Variants in TBC1D4 observed in about 807,000 individuals in gnomAD.
TBC1D4 encodes the protein TBC (Tre-2, BUB2, CDC16) domain-containing protein.
A neutral mutation model predicts 142.5 loss-of-function variants in TBC1D4; 121 were observed. That is an observed-to-expected ratio of 0.85 (90% CI 0.73 to 0.99). The LOEUF (loss-of-function observed/expected upper bound fraction) is 0.99, where lower values mean the gene tolerates loss of function less well. Among genes scored for constraint, TBC1D4 ranks in the 50% least tolerant of loss-of-function variants. TBC1D4 has a pLI of 0.00. For missense variants in TBC1D4, 1,475 were observed against 1,606.6 expected (o/e 0.92, Z 1.40); for synonymous variants, 630 against 628.2 (o/e 1.00, Z -0.04).
intron 5 of TBC1D4, among the ~76,000 whole-genome samples, chr13:75,343,666 G>A (rs561599432): frequency 2.0e-5 from 3 of 152,010 alleles, no homozygotes; most frequent in Admixed American, 6.6e-5. Context: ...ACAGGCATGC[G>A]CCACCACACC....
chr13:75,331,523 T>C (rs754420764), intron 8 of TBC1D4, among the ~76,000 whole-genome samples: 4 of 151,984 alleles, frequency 2.6e-5, no homozygotes, highest in Non-Finnish European at 5.9e-5. Flanking sequence ...AAAATTTATA[T>C]TAGTAAATAT....
intron 1 of TBC1D4, among the ~76,000 whole-genome samples, chr13:75,372,622 A>C (rs1042541746): frequency 2.6e-5 from 4 of 152,160 alleles, no homozygotes; most frequent in African/African-American, 9.7e-5. Context: ...ACTTGCTCCA[A>C]GAAACACTAG....
At chr13:75,399,566 C>T (rs1468096184) in intron 1 of TBC1D4, among the ~76,000 whole-genome samples, 3 of 152,196 alleles carry the variant, frequency 2.0e-5, no homozygotes, top group Non-Finnish European at 4.4e-5. Flanking sequence ...TTAATGAATG[C>T]AATTCTGGTA....
intron 1 of TBC1D4, among the ~76,000 whole-genome samples, chr13:75,425,020 T>G (rs1368924216): frequency 6.6e-6 from 1 of 152,102 alleles, no homozygotes; most frequent in Non-Finnish European, 1.5e-5. Context: ...ATTAAAAAGC[T>G]TCTGCACAGC....
At chr13:75,383,962 C>T (rs1490888037) in intron 1 of TBC1D4, among the ~76,000 whole-genome samples, 1 of 152,056 alleles carries the variant, frequency 6.6e-6, no homozygotes, top group Non-Finnish European at 1.5e-5. Context: ...AGCTCTTAAA[C>T]CATTTCAAAA....
At chr13:75,361,382 A>AT (rs1278381284) in intron 2 of TBC1D4, among the ~76,000 whole-genome samples, 2 of 151,816 alleles carry the variant, frequency 1.3e-5, no homozygotes, top group African/African-American at 4.8e-5. Context: ...ACTTTCTACA[A>AT]TTTTTTTGTT....
At chr13:75,427,693 T>C (rs1231195329) in intron 1 of TBC1D4, among the ~76,000 whole-genome samples, 1 of 152,230 alleles carries the variant, frequency 6.6e-6, no homozygotes, top group African/African-American at 2.4e-5. Flanking sequence ...TTCATAATCA[T>C]TGATCTCTTT....
chr13:75,399,536 T>TGAG (rs1884973876), intron 1 of TBC1D4, among the ~76,000 whole-genome samples: 11 of 147,170 alleles, frequency 7.5e-5, no homozygotes, highest in South Asian at 2.1e-4. Flanking sequence ...CAACCCACCT[T>TGAG]ATCTACACCC....
At chr13:75,469,732 A>C (rs1888319710) in intron 1 of TBC1D4, among the ~76,000 whole-genome samples, 1 of 152,158 alleles carries the variant, frequency 6.6e-6, no homozygotes, top group Non-Finnish European at 1.5e-5. Context: ...CTACGACTGC[A>C]CCACTGTACT....
chr13:75,475,870 T>C (rs557540011), intron 1 of TBC1D4, among the ~76,000 whole-genome samples: 24 of 152,360 alleles, frequency 1.6e-4, no homozygotes, highest in Non-Finnish European at 2.5e-4. Context: ...ATTTTGAATT[T>C]TTTTTTCAGA....
intron 8 of TBC1D4, among the ~76,000 whole-genome samples, chr13:75,333,026 A>G (rs4883995): frequency 0.8 from 121,191 of 152,174 alleles, 49,674 homozygotes; most frequent in South Asian, 0.95. Context: ...AAAACAATAC[A>G]CATTTGCAAA....
chr13:75,332,138 C>T (rs1879801462), intron 8 of TBC1D4, among the ~76,000 whole-genome samples: 1 of 152,184 alleles, frequency 6.6e-6, no homozygotes, highest in Non-Finnish European at 1.5e-5. Flanking sequence ...AAGTATTATG[C>T]AGGATGCCAA....
At chr13:75,312,486 G>A (rs8000860) in intron 13 of TBC1D4, among the ~76,000 whole-genome samples, 24 of 151,340 alleles carry the variant, frequency 1.6e-4, no homozygotes, top group African/African-American at 5.6e-4. Flanking sequence ...CACTATCACA[G>A]TTCCGTCTAC....
At chr13:75,291,992 G>A in intron 19 of TBC1D4, 110 bp downstream of exon 19, 1 of 935,338 alleles carries the variant, frequency 1.1e-6, no homozygotes, top group Non-Finnish European at 1.6e-6. Flanking sequence ...TAAATAAAAT[G>A]TATCTGATGA....
intron 8 of TBC1D4, among the ~76,000 whole-genome samples, chr13:75,336,018 A>G (rs1459294884): frequency 6.6e-6 from 1 of 152,160 alleles, no homozygotes; most frequent in Non-Finnish European, 1.5e-5. Flanking sequence ...TTCTATACAT[A>G]TATATTTCTA....
At chr13:75,456,004 T>G (rs1300987361) in intron 1 of TBC1D4, among the ~76,000 whole-genome samples, 1 of 152,054 alleles carries the variant, frequency 6.6e-6, no homozygotes, top group Non-Finnish European at 1.5e-5. Context: ...ATAGGCTTTT[T>G]TTTTTTCCTG....
chr13:75,314,922 G>T (rs577889611), intron 12 of TBC1D4, among the ~76,000 whole-genome samples: 1 of 152,120 alleles, frequency 6.6e-6, no homozygotes, highest in Non-Finnish European at 1.5e-5. Context: ...AGAGGTTGCA[G>T]TGAGCCGAGA....
Position 75,302,359 on chromosome 13 carries a change from G to A in TBC1D4, c.2795C>T (p.Ala932Val). ...SRRGEIWQFL[A>V]LQYRLRHRLP... is the part of the protein sequence containing the mutation. ...TCTGTGTCTGAGTCGGTACTGTAAA[G>A]CCAGAAACTGCCAAATTTCTCCTCG... Residue 932 changes from alanine (A) to valine (V), a missense_variant, in exon 16 of 21, where the codon GCT (alanine) becomes GTT (valine). Around this residue, in one of 2 missense-constraint regions of TBC1D4, gnomAD observed 1,227 missense variants for 1,267.7 expected, o/e 0.97. Coordinates refer to ENST00000377636, the MANE Select transcript of TBC1D4 (RefSeq NM_014832.5). 1 of 1,614,142 alleles carries A rather than the reference G, an allele frequency of 6.2e-7. No homozygotes were observed. The highest frequency in any genetic ancestry group is 8.5e-7 in the Non-Finnish European group (1 of 1,180,020).
At chr13:75,380,211 C>A (rs1031078210) in intron 1 of TBC1D4, among the ~76,000 whole-genome samples, 2 of 151,446 alleles carry the variant, frequency 1.3e-5, no homozygotes, top group African/African-American at 4.8e-5. Context: ...GGCAGACATG[C>A]CTGTAATCCC....
Sources: gnomAD v4.1 joint callset for allele counts (sites outside exome capture counted in the v4.1 genomes callset) on GRCh38, gnomAD v4.1.1 for gene constraint, gnomAD v4.1.1 regional missense constraint, MANE v1.5 for transcripts, NCBI Gene and HGNC (gene_info 2026-07-23, HGNC 2026-07-21) for gene names.